IL4R: variants seen among roughly 807,000 people sequenced by gnomAD.
IL4R encodes the protein interleukin 4 receptor.
A neutral mutation model predicts 41.5 loss-of-function variants in IL4R; 17 were observed. The observed-to-expected ratio is 0.41, with a 90% CI of 0.28 to 0.61. The LOEUF is 0.61. IL4R is among the 20% of genes least tolerant of loss of function. The pLI is 0.31. For synonymous variants in IL4R, 402 were observed against 422.9 expected (o/e 0.95, Z 0.61); for missense variants, 974 against 1,043.1 (o/e 0.93, Z 0.91).
chr16:27,334,104 G>A (rs577418292), intron 2 of IL4R, among the ~76,000 whole-genome samples: 1 of 152,042 alleles, frequency 6.6e-6, no homozygotes, highest in African/African-American at 2.4e-5. Context: ...GGATGGTCTC[G>A]ATCTCCTGAC....
upstream of IL4R, chr16:27,313,843 C>G (rs1030518599): frequency 3.4e-6 from 3 of 888,992 alleles, no homozygotes; most frequent in African/African-American, 5.4e-5. Flanking sequence ...GCCGGGCGCG[C>G]CGGGCGGGGC....
chr16:27,326,713 A>T (rs539326301), intron 1 of IL4R, among the ~76,000 whole-genome samples: 19 of 152,192 alleles, frequency 1.2e-4, no homozygotes, highest in African/African-American at 4.1e-4. Flanking sequence ...GTGGGTGAGG[A>T]TGGTTGAGCC....
chr16:27,355,753 A>G, intron 7 of IL4R, 55 bp from the exon 8 acceptor site: 1 of 1,288,012 alleles, frequency 7.8e-7, no homozygotes, highest in Non-Finnish European at 1.1e-6. Flanking sequence ...TGGGAAGTGG[A>G]GCCCAGGCTG....
rs2086334844 is a variant in IL4R at position 27,362,558 on chromosome 16, T to C, written c.1206T>C (p.Ile402=). ...ACTTCCAGGAGGGAAGGGAGGGCATTGTGGCCCGGCTAACAGAGAGCCTGT... is the reference window on the plus strand; with the variant it reads ...ACTTCCAGGAGGGAAGGGAGGGCATCGTGGCCCGGCTAACAGAGAGCCTGT... ...RDDFQEGREG[I]VARLTESLFL... The change falls in exon 11 of 11, where the codon ATT becomes ATC. Residue 402 remains isoleucine (I), a synonymous_variant. Coordinates refer to ENST00000395762, the MANE Select transcript of IL4R (RefSeq NM_000418.4). The C allele has an allele frequency of 1.2e-6, 2 of 1,614,068 alleles. No individual in the cohort carries two copies. The highest frequency in any genetic ancestry group is 1.7e-6 in the Non-Finnish European group (2 of 1,180,000).
chr16:27,359,036 TGAA>T, intron 9 of IL4R, 42 bp downstream of exon 9: 1 of 1,470,352 alleles, frequency 6.8e-7, no homozygotes, highest in Non-Finnish European at 9.5e-7. Context: ...ACTGTGTACA[TGAA>T]GAAGTGTGGT....
intron 1 of IL4R, among the ~76,000 whole-genome samples, chr16:27,327,342 C>T (rs1405993877): frequency 3.9e-5 from 6 of 152,124 alleles, no homozygotes; most frequent in Non-Finnish European, 8.8e-5. Flanking sequence ...GCTGTGGGTT[C>T]GGGAAGAGTC....
intron 4 of IL4R, 135 bp from the exon 5 acceptor site, chr16:27,344,734 C>T: frequency 1.0e-6 from 1 of 953,724 alleles, no homozygotes; most frequent in Non-Finnish European, 1.6e-6. Flanking sequence ...CTCCCAAGCC[C>T]CCAGATCTGT....
intron 2 of IL4R, among the ~76,000 whole-genome samples, chr16:27,333,917 C>G (rs2085181787): frequency 6.6e-6 from 1 of 151,610 alleles, no homozygotes; most frequent in Non-Finnish European, 1.5e-5. Context: ...CAGTCTTGCT[C>G]TGTCACCCAG....
chr16:27,362,745 C>T lies in IL4R; in HGVS notation c.1393C>T (p.Leu465Phe), dbSNP rs1322247859. The change falls in exon 11 of 11, where the codon CTC (leucine) becomes TTC (phenylalanine). Residue 465 changes from leucine to phenylalanine, a missense_variant. Leu to Phe is a conservative substitution (Grantham distance 22). Coordinates refer to ENST00000395762, the MANE Select transcript of IL4R (RefSeq NM_000418.4). ...ACCTCCCTGGGGCAAGGAGCAGCCT[C>T]TCCACCTGGAGCCAAGTCCTCCTGC... The part of the protein sequence containing the change: ...EAPPWGKEQP[L>F]HLEPSPPASP... The T allele has an allele frequency of 6.2e-7, 1 of 1,614,124 alleles. No individual in the cohort carries two copies. The highest frequency in any genetic ancestry group is 1.3e-5 in the African/African-American group (1 of 75,054).
rs771200748 is a variant in IL4R at position 27,340,229 on chromosome 16, T to C, written c.26T>C (p.Leu9Pro). Residue 9 changes from leucine (L) to proline (P), a missense_variant, in exon 3 of 11, where the codon CTG becomes CCG. Transcript: ENST00000395762. MGWLCSGL[L>P]FPVSCLVLLQ... The stretch of plus-strand genomic sequence containing the variant: ...ATGGGGTGGCTTTGCTCTGGGCTCC[T>C]GTTCCCTGTGAGCTGCCTGGTCCTG... 26 of 1,613,886 alleles carry C rather than the reference T, an allele frequency of 1.6e-5. No homozygotes were observed. Among genetic ancestry groups the C allele is most frequent in the Non-Finnish European group, 2.0e-5 (24 of 1,179,978 alleles).
intron 1 of IL4R, among the ~76,000 whole-genome samples, chr16:27,325,701 GAATA>G (rs774765183): frequency 7.9e-5 from 12 of 152,066 alleles, no homozygotes; most frequent in Non-Finnish European, 1.3e-4. Flanking sequence ...GTTAAAATAA[GAATA>G]AAATAAAATA....
chr16:27,319,088 A>C (rs2084733743), intron 1 of IL4R, among the ~76,000 whole-genome samples: 2 of 152,150 alleles, frequency 1.3e-5, no homozygotes, highest in Admixed American at 1.3e-4. Context: ...AGGCATGTGG[A>C]TATCTGGGGA....
Position 27,363,654 on chromosome 16 carries a change from G to A in IL4R, c.2302G>A (p.Gly768Arg), listed in dbSNP as rs2086391627. ...PLRAPDPSPG[G>R]VPLEASLCPA... Reference sequence around the variant, plus strand: ...GAGGGCCCCAGACCCCTCTCCAGGTGGGGTTCCACTGGAGGCCAGTCTGTG... The same window carrying A: ...GAGGGCCCCAGACCCCTCTCCAGGTAGGGTTCCACTGGAGGCCAGTCTGTG... Residue 768 changes from glycine (G) to arginine (R), a missense_variant, in exon 11 of 11, where the codon GGG becomes AGG. Gly to Arg is a moderately radical substitution (Grantham distance 125, BLOSUM62 -2). Around this residue, in one of 3 missense-constraint regions of IL4R, gnomAD observed 682 missense variants for 704.3 expected, o/e 0.97. Coordinates refer to ENST00000395762, the MANE Select transcript of IL4R (RefSeq NM_000418.4). 2 of 1,613,860 alleles carry A rather than the reference G, an allele frequency of 1.2e-6. No individual in the cohort carries two copies. The highest frequency in any genetic ancestry group is 4.5e-5 in the East Asian group (2 of 44,848).
chr16:27,338,258 G>T (rs1290932957), intron 2 of IL4R, among the ~76,000 whole-genome samples: 1 of 150,962 alleles, frequency 6.6e-6, no homozygotes, highest in Non-Finnish European at 1.5e-5. Flanking sequence ...TTATGACAGG[G>T]TCTTGCTGGA....
chr16:27,344,431 T>TA (rs1031950913), intron 4 of IL4R, among the ~76,000 whole-genome samples: 52 of 151,470 alleles, frequency 3.4e-4, no homozygotes, highest in African/African-American at 1.3e-3. Flanking sequence ...TCTGGCCTGT[T>TA]ACAGAAAAAG....
At chr16:27,360,630 C>G (rs1174529269) in intron 9 of IL4R, 136 bp from the exon 10 acceptor site, 1 of 1,053,846 alleles carries the variant, frequency 9.5e-7, no homozygotes, top group Non-Finnish European at 1.5e-6. Context: ...GAATCTGAAG[C>G]TCAGAAAGCG....
In IL4R at chr16:27,352,585, G is replaced by A. The variant is rs780006435; in HGVS notation, c.559G>A (p.Ala187Thr). ...VTYLEPSLRI[A>T]ASTLKSGISY... ...CTACCTAGAACCCTCCCTCCGCATC[G>A]CAGCCAGCACCCTGAAGTCTGGGAT... Residue 187 changes from alanine to threonine, a missense_variant, in exon 7 of 11, where the codon GCA becomes ACA. Physicochemically the swap from Ala to Thr is moderately conservative, Grantham distance 58. Around this residue, in one of 3 missense-constraint regions of IL4R, gnomAD observed 284 missense variants for 313.4 expected, o/e 0.91. Coordinates refer to ENST00000395762, the MANE Select transcript of IL4R (RefSeq NM_000418.4). 1.4e-5 allele frequency: 22 copies of A among 1,613,964 alleles called. No individual in the cohort carries two copies. The Middle Eastern group carries it at 6.6e-4, about 48-fold the overall frequency.
chr16:27,335,860 G>A (rs1479737101), intron 2 of IL4R, among the ~76,000 whole-genome samples: 1 of 152,104 alleles, frequency 6.6e-6, no homozygotes, highest in Non-Finnish European at 1.5e-5. Flanking sequence ...CGTATAAAGG[G>A]CATTATTGAG....
In IL4R at chr16:27,362,129, G is replaced by A. The variant is rs370863319; in HGVS notation, c.900-123G>A. ...AGACTGATCAATTACTGATTATAAC[G>A]TTAGAAGGCATGTCTGAAGTAGACA... On this transcript the variant is annotated intron_variant, in intron 10 of 10. Coordinates refer to ENST00000395762, the MANE Select transcript of IL4R (RefSeq NM_000418.4). The A allele has an allele frequency of 2.3e-4, 210 of 900,864 alleles. 1 individual carries two copies. In the African/African-American group the frequency reaches 2.5e-3, roughly 11 times the overall value. The allele number at this position is 900,864 out of a possible 1,614,324, so 55.8% of individuals were successfully genotyped here. A position where few individuals can be genotyped will look rare whatever the true frequency, so the allele number is the denominator to read the frequency against.
Sources: gnomAD v4.1 joint callset for allele counts (sites outside exome capture counted in the v4.1 genomes callset) on GRCh38, gnomAD v4.1.1 for gene constraint, gnomAD v4.1.1 regional missense constraint, MANE v1.5 for transcripts, NCBI Gene and HGNC (gene_info 2026-07-23, HGNC 2026-07-21) for gene names.